Variants in SLC1A3 observed in about 807,000 individuals in gnomAD.
The protein encoded by SLC1A3 is excitatory amino acid transporter 1.
A neutral mutation model predicts 48.1 loss-of-function variants in SLC1A3; 21 were observed. The ratio of observed to expected loss-of-function variants is 0.44; its 90% CI spans 0.31 to 0.63. SLC1A3 has a LOEUF of 0.63. Among genes scored for constraint, SLC1A3 ranks in the 20% least tolerant of loss-of-function variants. The pLI is 0.08. For synonymous variants in SLC1A3, 239 were observed against 251.4 expected, an observed-to-expected ratio of 0.95 and a Z score of 0.47; for missense variants, 546 against 689.0, an observed-to-expected ratio of 0.79 and a Z score of 2.32.
Position 36,640,036 on chromosome 5 carries a change from G to A in SLC1A3, c.319+10449G>A, listed in dbSNP as rs368527440. 9.9e-5 allele frequency among the ~76,000 whole-genome samples: 15 copies of A among 152,188 alleles called. No individual in the cohort carries two copies. The East Asian group carries it at 1.5e-3, about 16-fold the overall frequency. ...ACAGAGAGAGAGAGGAAGAGGTGGG[G>A]GCGGCTGGGGGAAGGGTCTATATCC... On this transcript the variant is annotated intron_variant, in intron 3 of 9. Transcript: ENST00000265113.
At chr5:36,661,772 T>C (rs1741524580) in intron 3 of SLC1A3, among the ~76,000 whole-genome samples, 2 of 152,206 alleles carry the variant, frequency 1.3e-5, no homozygotes, top group Non-Finnish European at 2.9e-5. Flanking sequence ...TCAATTCCTT[T>C]TCTTCTGTGA....
Position 36,686,116 on chromosome 5 carries a change from G to T in SLC1A3, c.1476G>T (p.Gly492=), listed in dbSNP as rs747372376. The change falls in exon 10 of 10, where the codon GGG becomes GGT. Residue 492 remains glycine (G), a synonymous_variant. Coordinates refer to ENST00000265113, the MANE Select transcript of SLC1A3 (RefSeq NM_004172.5). ...TNVLGDSLGA[G]IVEHLSRHEL... is the part of the protein sequence containing the mutation. ...TACTGGGAGACTCCCTGGGAGCTGG[G>T]ATTGTGGAGCACTTGTCACGACATG... 1.2e-6 allele frequency: 2 copies of T among 1,614,066 alleles called. No individual in the cohort carries two copies. Among genetic ancestry groups the T allele is most frequent in the Non-Finnish European group, 1.7e-6 (2 of 1,180,048 alleles).
chr5:36,671,297 C>T (rs1386702373), intron 4 of SLC1A3, 64 bp downstream of exon 4: 2 of 1,165,190 alleles, frequency 1.7e-6, no homozygotes, highest in Admixed American at 3.8e-5. Context: ...TTACTGGTTA[C>T]TATTCAAACC....
At chr5:36,599,527 T>TTTTTTTTTTA (rs397997372) in intron 1 of SLC1A3, among the ~76,000 whole-genome samples, 2 of 145,516 alleles carry the variant, frequency 1.4e-5, no homozygotes, top group Non-Finnish European at 3.0e-5. Context: ...TTTTTTTTTT[T>TTTTTTTTTTA]GAGACGGAGT....
chr5:36,608,691 G>A (rs756817483), intron 2 of SLC1A3, 87 bp downstream of exon 2: 32 of 1,565,996 alleles, frequency 2.0e-5, no homozygotes, highest in African/African-American at 2.7e-5. Context: ...AGATGAACTA[G>A]TTGTAGGTAT....
At chr5:36,600,708 C>A (rs11741316) in intron 1 of SLC1A3, among the ~76,000 whole-genome samples, 38,576 of 152,094 alleles carry the variant, frequency 0.25, 5,629 homozygotes, top group Non-Finnish European at 0.34. Flanking sequence ...GATTGTTAAG[C>A]ATTCTGAAGG....
chr5:36,665,590 C>T (rs1220458484), intron 3 of SLC1A3, among the ~76,000 whole-genome samples: 2 of 152,174 alleles, frequency 1.3e-5, no homozygotes, highest in African/African-American at 2.4e-5. Flanking sequence ...GTAATAATAA[C>T]ACCTAACATT....
upstream of SLC1A3, among the ~76,000 whole-genome samples, chr5:36,605,916 T>G (rs1399840528): frequency 6.6e-6 from 1 of 152,226 alleles, no homozygotes; most frequent in African/African-American, 2.4e-5. Flanking sequence ...AAATCTCAAG[T>G]GTACTTTGCA....
chr5:36,649,372 C>A (rs149604609), intron 3 of SLC1A3: 52 of 144,138 alleles, frequency 3.6e-4, no homozygotes, highest in African/African-American at 1.3e-3. Flanking sequence ...AAAAAAGATT[C>A]TCTATCTCTA....
intron 2 of SLC1A3, among the ~76,000 whole-genome samples, chr5:36,614,137 G>C (rs1268628460): frequency 6.6e-6 from 1 of 152,152 alleles, no homozygotes; most frequent in Non-Finnish European, 1.5e-5. Flanking sequence ...TATAAAAACT[G>C]TCTGCCAAGA....
chr5:36,660,800 T>A (rs1219026412), intron 3 of SLC1A3, among the ~76,000 whole-genome samples: 2 of 152,354 alleles, frequency 1.3e-5, no homozygotes, highest in East Asian at 3.9e-4. Flanking sequence ...AGAAAACTAA[T>A]CAGAACTGAA....
intron 2 of SLC1A3, among the ~76,000 whole-genome samples, chr5:36,619,764 A>G (rs1180046456): frequency 1.3e-5 from 2 of 152,360 alleles, no homozygotes; most frequent in East Asian, 3.9e-4. Context: ...TTGATTTCTC[A>G]TATAATTATT....
intron 3 of SLC1A3, among the ~76,000 whole-genome samples, chr5:36,650,325 C>G (rs765157795): frequency 6.6e-6 from 1 of 152,204 alleles, no homozygotes; most frequent in Non-Finnish European, 1.5e-5. Context: ...AATCATAATA[C>G]CCATTATCAC....
At chr5:36,681,010 A>G (rs1742423486) in intron 8 of SLC1A3, among the ~76,000 whole-genome samples, 1 of 152,156 alleles carries the variant, frequency 6.6e-6, no homozygotes, top group Non-Finnish European at 1.5e-5. Flanking sequence ...ATTTGGGGTA[A>G]TCATTCTATA....
chr5:36,605,072 T>C (rs1738879771), upstream of SLC1A3, among the ~76,000 whole-genome samples: 3 of 152,154 alleles, frequency 2.0e-5, no homozygotes, highest in Non-Finnish European at 4.4e-5. Flanking sequence ...CACAAAAGAT[T>C]GAAAAGCGTT....
chr5:36,604,283 A>G (rs1014314326), upstream of SLC1A3, among the ~76,000 whole-genome samples: 1 of 152,152 alleles, frequency 6.6e-6, no homozygotes, highest in Non-Finnish European at 1.5e-5. Context: ...GAAATACAGC[A>G]TACAGAGACT....
At chr5:36,644,047 A>C (rs1359016278) in intron 3 of SLC1A3, among the ~76,000 whole-genome samples, 1 of 137,860 alleles carries the variant, frequency 7.3e-6, no homozygotes, top group Non-Finnish European at 1.7e-5. Context: ...ATAAATAAAT[A>C]AATAAATAAA....
At chr5:36,655,287 C>T (rs1291116450) in intron 3 of SLC1A3, among the ~76,000 whole-genome samples, 1 of 152,186 alleles carries the variant, frequency 6.6e-6, no homozygotes, top group African/African-American at 2.4e-5. Context: ...TTTGCACTTG[C>T]ATCTAGTGTC....
intron 3 of SLC1A3, among the ~76,000 whole-genome samples, chr5:36,640,318 T>C (rs1448311433): frequency 6.6e-6 from 1 of 152,246 alleles, no homozygotes; most frequent in Non-Finnish European, 1.5e-5. Context: ...TGCTTCTTCA[T>C]GGTGAAGATC....
Sources: gnomAD v4.1 joint callset for allele counts (sites outside exome capture counted in the v4.1 genomes callset) on GRCh38, gnomAD v4.1.1 for gene constraint, MANE v1.5 for transcripts, NCBI Gene and HGNC (gene_info 2026-07-23, HGNC 2026-07-21) for gene names.